The following PIGA variants were observed in gnomAD, a reference collection of about 807,000 sequenced individuals.
PIGA encodes phosphatidylinositol N-acetylglucosaminyltransferase subunit A.
Under a neutral mutation model 17.1 loss-of-function variants are expected in PIGA, and 3 were observed. The observed-to-expected ratio is 0.18, with a 90% confidence interval of 0.08 to 0.45. PIGA has a LOEUF of 0.45. Ranked by LOEUF, PIGA falls within the 20% of genes least tolerant of loss-of-function variation. The probability of loss-of-function intolerance (pLI) is 0.99; values close to 1 mark genes in which losing one functional copy is unlikely to be tolerated. For missense variants in PIGA, 231 were observed against 374.1 expected (o/e 0.62, Z 3.16); for synonymous variants, 126 against 135.1 (o/e 0.93, Z 0.47).
At chrX:15,332,430 C>T in intron 1 of PIGA, among the ~76,000 whole-genome samples, 1 of 112,413 alleles carries the variant, frequency 8.9e-6, no homozygotes, top group Middle Eastern at 4.6e-3. Flanking sequence ...TCTTCTATAT[C>T]TTATTGCAGC....
At chrX:15,323,142 CA>C (rs751544968) in intron 5 of PIGA, among the ~76,000 whole-genome samples, 1 of 111,180 alleles carries the variant, frequency 9.0e-6, no homozygotes, top group African/African-American at 3.3e-5. Flanking sequence ...ATGTGGTTAC[CA>C]AAAAAATCCC....
chrX:15,323,641 G>A (rs186529328), intron 5 of PIGA, among the ~76,000 whole-genome samples: 225 of 111,841 alleles, frequency 2.0e-3, no homozygotes, highest in Middle Eastern at 4.6e-3. Flanking sequence ...AAATGTATAA[G>A]ACAATTTTTA....
At chrX:15,333,848 T>C (rs1014755080) in intron 1 of PIGA, among the ~76,000 whole-genome samples, 1 of 112,165 alleles carries the variant, frequency 8.9e-6, no homozygotes, top group Non-Finnish European at 1.9e-5. Flanking sequence ...AAGGCTAAAC[T>C]AGAGATGGGC....
chrX:15,330,018 G>C (rs1219540155), intron 2 of PIGA, among the ~76,000 whole-genome samples: 1 of 110,559 alleles, frequency 9.0e-6, no homozygotes, highest in Admixed American at 9.6e-5. Context: ...CTGGGAGGCA[G>C]AGGTTGCAGT....
In PIGA at chrX:15,328,438, A is replaced by T. The variant is rs6628992; in HGVS notation, c.716-2392T>A. ...ACAGGCTTGGAAGAGGAGGCTCAGG[A>T]AAAAGACATCCAAAAAGCCTGGATA... is the stretch of plus-strand genomic sequence containing the variant. On this transcript the variant is annotated intron_variant, in intron 2 of 5. Coordinates refer to ENST00000333590, the MANE Select transcript of PIGA (RefSeq NM_002641.4). 37,389 of 111,274 alleles carry T rather than the reference A, an allele frequency of 0.34. 4,761 individuals carry two copies. The highest frequency in any genetic ancestry group is 0.56 in the South Asian group (1,496 of 2,667). 9.2% of individuals were successfully genotyped at this position (111,274 alleles called of 1,213,427 possible). A position where few individuals can be genotyped will look rare whatever the true frequency, so the allele number is the denominator to read the frequency against.
At chrX:15,327,384 G>A (rs186556374) in intron 2 of PIGA, 47 of 110,815 alleles carry the variant, frequency 4.2e-4, no homozygotes, top group African/African-American at 1.2e-3. Flanking sequence ...CCCCAAATAG[G>A]CAGATCAGTT....
intron 3 of PIGA, chrX:15,325,505 C>T (rs752002690): frequency 3.5e-3 from 529 of 151,945 alleles, no homozygotes; most frequent in Non-Finnish European, 5.2e-3. Context: ...ATGCTTTACA[C>T]GTACAAGCCT....
chrX:15,321,603 A>G lies in PIGA; in HGVS notation c.1358T>C (p.Val453Ala), dbSNP rs1212223898. Residue 453 changes from valine to alanine, a missense_variant, in exon 6 of 6, where the codon GTT (valine) becomes GCT (alanine). Physicochemically the swap from Val to Ala is moderately conservative, Grantham distance 64. This residue lies in a region of PIGA where 88 missense variants were observed against 100.5 expected (regional missense o/e 0.88). Coordinates refer to ENST00000333590, the MANE Select transcript of PIGA (RefSeq NM_002641.4). ...CCGTGGCCCAGTGGCATCTATTGCA[A>G]CATCAATGATAGAATCTGGAGTCAT... ...RWMTPDSIID[V>A]AIDATGPRGA... 4.1e-6 allele frequency: 5 copies of G among 1,207,698 alleles called. No homozygotes were observed. The highest frequency in any genetic ancestry group is 5.6e-6 in the Non-Finnish European group (5 of 892,746).
At chrX:15,323,723 G>A (rs1921886056) in intron 5 of PIGA, among the ~76,000 whole-genome samples, 1 of 111,955 alleles carries the variant, frequency 8.9e-6, no homozygotes, top group Non-Finnish European at 1.9e-5. Context: ...TTCAAACCAA[G>A]TAAGAAAGCC....
rs1464500489 is a variant in PIGA, at chrX:15,326,055, A to T, written c.716-9T>A. On this transcript the variant is annotated splice_polypyrimidine_tract_variant and intron_variant, in intron 2 of 5. Transcript: ENST00000333590. ...ACTAAGCAAATCGATCCCTGAAAAT[A>T]TAAAGTTGAATGTTGGAGATATTAA... is the stretch of plus-strand genomic sequence containing the variant. 1 of 1,078,219 alleles carries T rather than the reference A, an allele frequency of 9.3e-7. No individual in the cohort carries two copies. Among genetic ancestry groups the T allele is most frequent in the Non-Finnish European group, 1.3e-6 (1 of 791,973 alleles). 88.9% of individuals were successfully genotyped at this position (1,078,219 alleles called of 1,213,427 possible). A position where few individuals can be genotyped will look rare whatever the true frequency, so the allele number is the denominator to read the frequency against.
chrX:15,319,624 A>T lies in PIGA; in HGVS notation c.*1882T>A, dbSNP rs1299418194. ...ATCAACTAAGTAGCAGGGTAGAGCAATGTGTTTCCATATACCGACCAGTGC... is the reference window on the plus strand; with the variant it reads ...ATCAACTAAGTAGCAGGGTAGAGCATTGTGTTTCCATATACCGACCAGTGC... On this transcript the variant is annotated 3_prime_UTR_variant, in exon 6 of 6. Transcript: ENST00000333590. The T allele has an allele frequency of 8.9e-6, 1 of 112,093 alleles. No individual in the cohort carries two copies. The highest frequency in any genetic ancestry group is 1.9e-5 in the Non-Finnish European group (1 of 53,214). The allele number at this position is 112,093 out of a possible 1,213,427, so 9.2% of individuals were successfully genotyped here.
At chrX:15,326,155 T>C in intron 2 of PIGA, 109 bp from the exon 3 acceptor site, 2 of 465,660 alleles carry the variant, frequency 4.3e-6, no homozygotes, top group African/African-American at 2.5e-5. Flanking sequence ...ATGCACTCCA[T>C]AAAGGAGAGA....
At position 15,334,101 on chromosome X, in the gene PIGA, C is replaced by T. The variant is rs1922251946; in HGVS notation, c.-63+1400G>A. ...AAGCCATCCTAAAGCTCTGAGTTTC[C>T]GGTTTCACCTGCAAACTCAGAAAAT... On this transcript the variant is annotated intron_variant, in intron 1 of 5. Transcript: ENST00000333590. Among the ~76,000 whole-genome samples the T allele has an allele frequency of 2.7e-5, 3 of 110,676 alleles. 1 individual carries two copies. In the South Asian group the frequency reaches 1.1e-3, roughly 42 times the overall value.
At position 15,331,432 on chromosome X, in the gene PIGA, T is replaced by C. The variant is rs775206996; in HGVS notation, c.499A>G (p.Thr167Ala). Residue 167 changes from threonine to alanine, a missense_variant, in exon 2 of 6, where the codon ACA (threonine) becomes GCA (alanine). By Grantham distance (58) the Thr-to-Ala change is moderately conservative. This residue lies in a region of PIGA where 83 missense variants were observed against 190.1 expected (regional missense o/e 0.44). Transcript: ENST00000333590. ...AGAGACACGGTTAGAAGCTTGTTTG[T>C]AAGCACCGAGCTGACATCAGCAAAT... is the stretch of plus-strand genomic sequence containing the variant. Reference protein sequence around the residue: ...FGFADVSSVLTNKLLTVSLCD... With the variant: ...FGFADVSSVLANKLLTVSLCD... The C allele has an allele frequency of 8.3e-7, 1 of 1,211,378 alleles. No homozygotes were observed. The highest frequency in any genetic ancestry group is 1.1e-6 in the Non-Finnish European group (1 of 894,930).
intron 5 of PIGA, 77 bp downstream of exon 5, chrX:15,324,588 A>G (rs1921913882): frequency 1.4e-6 from 1 of 728,275 alleles, no homozygotes; most frequent in Admixed American, 2.6e-5. Flanking sequence ...GTAAACATCT[A>G]TGTAAGAAAA....
In PIGA at chrX:15,321,213, A is replaced by C. The variant is rs1259894438; in HGVS notation, c.*293T>G. 5.1e-6 allele frequency: 1 copy of C among 197,384 alleles called. No homozygotes were observed. The highest frequency in any genetic ancestry group is 3.0e-5 in the African/African-American group (1 of 33,684). The allele number at this position is 197,384 out of a possible 1,213,427, so 16.3% of individuals were successfully genotyped here. On this transcript the variant is annotated 3_prime_UTR_variant, in exon 6 of 6. Coordinates refer to ENST00000333590, the MANE Select transcript of PIGA (RefSeq NM_002641.4). ...TGGCCCTTCAGCACCCAAAGCTCTC[A>C]AAATATAATGTTAAAACATCTCTGC...
intron 3 of PIGA, 63 bp from the exon 4 acceptor site, chrX:15,325,215 T>G: frequency 9.7e-7 from 1 of 1,028,198 alleles, no homozygotes; most frequent in Non-Finnish European, 1.3e-6. Context: ...GAAATTTAAT[T>G]TATAAACCAA....
chrX:15,328,782 T>A (rs1216787979), intron 2 of PIGA: 1 of 112,114 alleles, frequency 8.9e-6, no homozygotes, highest in African/African-American at 3.2e-5. Context: ...ACAGGTTTAA[T>A]CTTTGCATGG....
chrX:15,324,076 CCTT>C (rs1921896671), intron 5 of PIGA, among the ~76,000 whole-genome samples: 1 of 112,334 alleles, frequency 8.9e-6, no homozygotes, highest in Admixed American at 9.4e-5. Context: ...CTATACCTGT[CCTT>C]TTGGAAATTC....
Sources: allele counts gnomAD v4.1 joint callset (sites outside exome capture counted in the v4.1 genomes callset), GRCh38; gene constraint gnomAD v4.1.1; regional missense constraint gnomAD v4.1.1; transcripts MANE v1.5; gene names NCBI Gene and HGNC (gene_info 2026-07-23, HGNC 2026-07-21).